Variants in WNT3 observed in about 807,000 individuals in gnomAD.
WNT3 encodes the protein proto-oncogene Wnt-3.
WNT3 carries 7 observed loss-of-function variants against 34.2 expected under a neutral mutation model. The observed-to-expected ratio is 0.20, with a 90% CI of 0.12 to 0.38. The LOEUF (loss-of-function observed/expected upper bound fraction) is 0.38. Among genes scored for constraint, WNT3 ranks in the 10% least tolerant of loss-of-function variants. The pLI, the probability that WNT3 is intolerant of heterozygous loss-of-function variation, is 1.00. For missense variants in WNT3, 267 were observed against 499.8 expected, an observed-to-expected ratio of 0.53 and a Z score of 4.44; for synonymous variants, 212 against 211.5, an observed-to-expected ratio of 1.00 and a Z score of -0.02.
Position 46,763,100 on chromosome 17 carries a change from A to G in WNT3, c.*1530T>C, listed in dbSNP as rs2059282045. The G allele has an allele frequency of 6.6e-6, 1 of 152,168 alleles. No homozygotes were observed. Among genetic ancestry groups the G allele is most frequent in the Non-Finnish European group, 1.5e-5 (1 of 68,040 alleles). 9.4% of individuals were successfully genotyped at this position (152,168 alleles called of 1,614,324 possible). Reference sequence around the variant, plus strand: ...GGGCTCCTGGACGACCATCTTGGCAAGCCCACCTGCACCAGCTGGGAGATC... The same window carrying G: ...GGGCTCCTGGACGACCATCTTGGCAGGCCCACCTGCACCAGCTGGGAGATC... On this transcript the variant is annotated 3_prime_UTR_variant, in exon 5 of 5. Coordinates refer to ENST00000225512, the MANE Select transcript of WNT3 (RefSeq NM_030753.5).
At chr17:46,791,776 A>G (rs866272454) in intron 1 of WNT3, among the ~76,000 whole-genome samples, 2 of 152,164 alleles carry the variant, frequency 1.3e-5, no homozygotes, top group African/African-American at 2.4e-5. Context: ...ATGGTGGCGC[A>G]TGCCTATAAT....
intron 1 of WNT3, among the ~76,000 whole-genome samples, chr17:46,779,983 T>G (rs962693770): frequency 6.6e-6 from 1 of 152,146 alleles, no homozygotes; most frequent in Non-Finnish European, 1.5e-5. Context: ...GGTCTGGAAC[T>G]CCTGACCAAG....
chr17:46,798,725 C>T (rs1214380476), intron 1 of WNT3, among the ~76,000 whole-genome samples: 2 of 152,150 alleles, frequency 1.3e-5, no homozygotes, highest in Non-Finnish European at 2.9e-5. Flanking sequence ...GATATTAAAT[C>T]TACACAGACC....
intron 1 of WNT3, among the ~76,000 whole-genome samples, chr17:46,792,638 T>A (rs1046933174): frequency 2.6e-5 from 4 of 152,132 alleles, no homozygotes; most frequent in Non-Finnish European, 4.4e-5. Context: ...CACACCTGGC[T>A]AATTTTTGTA....
At chr17:46,803,305 A>G (rs1241039776) in intron 1 of WNT3, among the ~76,000 whole-genome samples, 1 of 152,244 alleles carries the variant, frequency 6.6e-6, no homozygotes. Context: ...AGGCCCAGAC[A>G]GGCAGATCAC....
intron 1 of WNT3, among the ~76,000 whole-genome samples, chr17:46,814,611 A>G (rs2084317372): frequency 6.6e-6 from 1 of 152,114 alleles, no homozygotes; most frequent in South Asian, 2.1e-4. Flanking sequence ...TGTGGGATCA[A>G]CAGCCTCCAG....
intron 2 of WNT3, 45 bp downstream of exon 2, chr17:46,773,623 T>TGCCCCCCCCC: frequency 1.0e-5 from 4 of 383,492 alleles, no homozygotes; most frequent in Non-Finnish European, 2.1e-5. Context: ...TCCTGATCCC[T>TGCCCCCCCCC]CCCCCCACCC....
intron 1 of WNT3, 60 bp downstream of exon 1, chr17:46,818,458 C>T: frequency 6.5e-7 from 1 of 1,543,568 alleles, no homozygotes; most frequent in Non-Finnish European, 8.8e-7. Context: ...GCCGGCGCCC[C>T]CACCTTCCCC....
chr17:46,795,240 T>C (rs1163623178), intron 1 of WNT3, among the ~76,000 whole-genome samples: 2 of 152,012 alleles, frequency 1.3e-5, no homozygotes, highest in African/African-American at 4.8e-5. Context: ...ATCCGAAACC[T>C]CCTACCCCAC....
chr17:46,764,853 G>C (rs150925039), intron 4 of WNT3, among the ~76,000 whole-genome samples: 2 of 152,176 alleles, frequency 1.3e-5, no homozygotes, highest in Non-Finnish European at 2.9e-5. Context: ...GAATGGGATC[G>C]AAATTCTACC....
rs1174852692 is a variant in WNT3 at position 46,768,839 on chromosome 17, C to T, written c.589-40G>A. The T allele has an allele frequency of 6.2e-7, 1 of 1,600,462 alleles. No homozygotes were observed. Among genetic ancestry groups the T allele is most frequent in the South Asian group, 1.1e-5 (1 of 89,664 alleles). On this transcript the variant is annotated intron_variant, in intron 3 of 4. Transcript: ENST00000225512. The surrounding 1 kb of genome is among the most constrained non-coding windows in gnomAD (Gnocchi z 5.0). ...TGGCAGCTGGCCAACAGACCGACCC[C>T]ACGAGGGGGCACATCCAGGCCTTCC...
intron 3 of WNT3, among the ~76,000 whole-genome samples, chr17:46,769,512 T>C (rs1327541034): frequency 6.6e-6 from 1 of 151,888 alleles, no homozygotes; most frequent in Non-Finnish European, 1.5e-5. Flanking sequence ...GTGCACAGGA[T>C]GGGTGGTGGG....
At chr17:46,798,148 C>T (rs986458034) in intron 1 of WNT3, among the ~76,000 whole-genome samples, 1 of 152,138 alleles carries the variant, frequency 6.6e-6, no homozygotes, top group Non-Finnish European at 1.5e-5. Flanking sequence ...AGGCTGGTCT[C>T]GAACCCCTGA....
intron 1 of WNT3, among the ~76,000 whole-genome samples, chr17:46,786,562 T>C (rs1393123965): frequency 3.3e-5 from 5 of 152,234 alleles, no homozygotes; most frequent in African/African-American, 1.2e-4. Flanking sequence ...GGGGAGCAGC[T>C]CCCAAGGACA....
At chr17:46,804,137 G>T (rs747105420) in intron 1 of WNT3, among the ~76,000 whole-genome samples, 7 of 151,952 alleles carry the variant, frequency 4.6e-5, no homozygotes, top group Admixed American at 3.3e-4. Flanking sequence ...GCCCAGGCTG[G>T]AGTGCAGTGG....
intron 1 of WNT3, among the ~76,000 whole-genome samples, chr17:46,787,940 A>G (rs1478646218): frequency 6.8e-6 from 1 of 147,320 alleles, no homozygotes; most frequent in Non-Finnish European, 1.5e-5. Flanking sequence ...TGGGCAACAG[A>G]GTGAGACTCT....
At chr17:46,800,031 G>A (rs2084104683) in intron 1 of WNT3, among the ~76,000 whole-genome samples, 1 of 152,160 alleles carries the variant, frequency 6.6e-6, no homozygotes, top group Non-Finnish European at 1.5e-5. Flanking sequence ...GTCCCAGAGA[G>A]TGGGGACCAG....
intron 1 of WNT3, 141 bp downstream of exon 1, chr17:46,818,377 G>A: frequency 1.3e-6 from 1 of 784,756 alleles, no homozygotes; most frequent in South Asian, 1.6e-5. Context: ...GAAAATCCAG[G>A]AGGGGTGGGC....
intron 1 of WNT3, among the ~76,000 whole-genome samples, chr17:46,792,688 A>G (rs2084001839): frequency 6.6e-6 from 1 of 152,110 alleles, no homozygotes; most frequent in African/African-American, 2.4e-5. Flanking sequence ...TGACCAGGCT[A>G]GCCTCGAACT....
Sources: allele counts gnomAD v4.1 joint callset (sites outside exome capture counted in the v4.1 genomes callset), GRCh38; gene constraint gnomAD v4.1.1; non-coding constraint Gnocchi (gnomAD v3.1); transcripts MANE v1.5; gene names NCBI Gene and HGNC (gene_info 2026-07-23, HGNC 2026-07-21).